VKORC1L1: variants seen among roughly 807,000 people sequenced by gnomAD.
VKORC1L1 encodes vitamin K epoxide reductase complex subunit 1-like protein 1.
Under a neutral mutation model 18.9 loss-of-function variants are expected in VKORC1L1, and 2 were observed. The ratio of observed to expected loss-of-function variants is 0.11; its 90% CI spans 0.04 to 0.33. VKORC1L1 has a LOEUF of 0.33. Among genes scored for constraint, VKORC1L1 ranks in the 10% least tolerant of loss-of-function variants. The probability of loss-of-function intolerance (pLI) is 1.00; values close to 1 mark genes in which losing one functional copy is unlikely to be tolerated. For missense variants in VKORC1L1, 123 were observed against 224.1 expected, an observed-to-expected ratio of 0.55 and a Z score of 2.88; for synonymous variants, 96 against 100.0, an observed-to-expected ratio of 0.96 and a Z score of 0.24.
chr7:65,925,354 A>G (rs1036660359), intron 1 of VKORC1L1, among the ~76,000 whole-genome samples: 2 of 152,042 alleles, frequency 1.3e-5, no homozygotes, highest in Admixed American at 6.6e-5. Flanking sequence ...CAATCTTCGG[A>G]TCCATCTTCA....
intron 1 of VKORC1L1, among the ~76,000 whole-genome samples, chr7:65,874,976 C>T (rs1472342278): frequency 6.6e-6 from 1 of 152,048 alleles, no homozygotes; most frequent in Non-Finnish European, 1.5e-5. Flanking sequence ...ACATGTAAGA[C>T]TAAAGGTAAC....
At chr7:65,883,765 T>C in intron 1 of VKORC1L1, among the ~76,000 whole-genome samples, 1 of 151,870 alleles carries the variant, frequency 6.6e-6, no homozygotes, top group Non-Finnish European at 1.5e-5. Context: ...CCCAAAGTGC[T>C]GGGATTACAG....
intron 1 of VKORC1L1, among the ~76,000 whole-genome samples, chr7:65,880,825 G>C (rs1788915936): frequency 6.6e-6 from 1 of 152,158 alleles, no homozygotes. Flanking sequence ...GCAAAACCAG[G>C]CGTTCTTATA....
At chr7:65,912,821 G>A (rs182907007) in intron 1 of VKORC1L1, among the ~76,000 whole-genome samples, 37 of 152,236 alleles carry the variant, frequency 2.4e-4, no homozygotes, top group Admixed American at 1.0e-3. Flanking sequence ...TAAAACATAT[G>A]CCACATTTTT....
intron 1 of VKORC1L1, among the ~76,000 whole-genome samples, chr7:65,894,554 C>G (rs2116368656): frequency 6.6e-6 from 1 of 152,008 alleles, no homozygotes; most frequent in Non-Finnish European, 1.5e-5. Flanking sequence ...CGGTGAAACC[C>G]CATCTCTACT....
At chr7:65,895,483 ATATAT>A (rs1789188578) in intron 1 of VKORC1L1, among the ~76,000 whole-genome samples, 33 of 27,380 alleles carry the variant, frequency 1.2e-3, no homozygotes, top group African/African-American at 2.1e-3. Flanking sequence ...AAAAAAAAAT[ATATAT>A]ATATATATAT....
At chr7:65,911,582 TTTTG>T (rs532746532) in intron 1 of VKORC1L1, among the ~76,000 whole-genome samples, 193 of 152,030 alleles carry the variant, frequency 1.3e-3, no homozygotes, top group East Asian at 2.3e-3. Context: ...TGTATAAAAG[TTTTG>T]TTTGTTTGTT....
chr7:65,936,513 T>G (rs539010837), intron 1 of VKORC1L1, among the ~76,000 whole-genome samples: 1 of 152,344 alleles, frequency 6.6e-6, no homozygotes, highest in African/African-American at 2.4e-5. Context: ...CCAGTTTTAT[T>G]TTAAAAGCGT....
intron 1 of VKORC1L1, among the ~76,000 whole-genome samples, chr7:65,901,293 TTGAAGCTGCAGTGAATTA>T (rs368093720): frequency 1.2e-4 from 19 of 152,186 alleles, no homozygotes; most frequent in African/African-American, 4.6e-4. Context: ...GCCCAGGAGA[TTGAAGCTGCAGTGAATTA>T]TGAGCCAATG....
intron 1 of VKORC1L1, among the ~76,000 whole-genome samples, chr7:65,886,004 CTG>C (rs1306820459): frequency 6.6e-6 from 1 of 152,198 alleles, no homozygotes; most frequent in Non-Finnish European, 1.5e-5. Flanking sequence ...CATATCGTAT[CTG>C]TTTATTCTGG....
At chr7:65,926,311 A>G (rs1789764638) in intron 1 of VKORC1L1, among the ~76,000 whole-genome samples, 2 of 151,986 alleles carry the variant, frequency 1.3e-5, no homozygotes, top group South Asian at 4.2e-4. Context: ...ACCCGCCACC[A>G]CGCCCAGCTA....
intron 1 of VKORC1L1, among the ~76,000 whole-genome samples, chr7:65,891,898 T>A (rs1167801442): frequency 6.6e-6 from 1 of 152,204 alleles, no homozygotes; most frequent in Non-Finnish European, 1.5e-5. Context: ...AACACTAGAC[T>A]TACTCATTCT....
intron 1 of VKORC1L1, among the ~76,000 whole-genome samples, chr7:65,932,743 C>T (rs1326951275): frequency 1.3e-5 from 2 of 152,040 alleles, no homozygotes; most frequent in Admixed American, 6.6e-5. Context: ...GTTTTGTTTA[C>T]GATGTGGTCT....
Position 65,909,737 on chromosome 7 carries a change from T to TGTGTGTGTGTGA in VKORC1L1, c.194+36173_194+36174insTGTGTGTGTGAG, listed in dbSNP as rs1491345250. Among the ~76,000 whole-genome samples the TGTGTGTGTGTGA allele has an allele frequency of 4.5e-3, 652 of 145,216 alleles. 4 individuals are homozygous for TGTGTGTGTGTGA. The highest frequency in any genetic ancestry group is 0.013 in the East Asian group (64 of 4,892). On this transcript the variant is annotated intron_variant, in intron 1 of 2. Coordinates refer to ENST00000360768, the MANE Select transcript of VKORC1L1 (RefSeq NM_173517.6). ...GTGTGTGTGTGTGTGTGTGTGTGTG[T>TGTGTGTGTGTGA]GACGGAGGCTTGCTCTGTCGCCCAG... is the stretch of plus-strand genomic sequence containing the variant.
intron 1 of VKORC1L1, among the ~76,000 whole-genome samples, chr7:65,885,226 T>G (rs1788992394): frequency 6.6e-6 from 1 of 152,152 alleles, no homozygotes; most frequent in African/African-American, 2.4e-5. Flanking sequence ...TTTGCCCATT[T>G]TTTCCCTTTC....
rs193079111 is a variant in VKORC1L1 at position 65,931,082 on chromosome 7, C to T, written c.195-17589C>T. 3.9e-5 allele frequency among the ~76,000 whole-genome samples: 6 copies of T among 152,192 alleles called. No individual in the cohort carries two copies. In the East Asian group the frequency reaches 1.2e-3, roughly 29 times the overall value. ...ATTTCCAAAATTAATCCCACTTGGT[C>T]ATGATATATTATCCTTTCTGTATAT... On this transcript the variant is annotated intron_variant, in intron 1 of 2. Transcript: ENST00000360768.
rs550673098 is a variant in VKORC1L1 at position 65,900,326 on chromosome 7, C to T, written c.194+26761C>T. On this transcript the variant is annotated intron_variant, in intron 1 of 2. Coordinates refer to ENST00000360768, the MANE Select transcript of VKORC1L1 (RefSeq NM_173517.6). Reference sequence around the variant, plus strand: ...AATGGCATGAACCCGGGAGGGGAGGCGGAGCTTGCAGTGAGCTGAGATCAT... The same window carrying T: ...AATGGCATGAACCCGGGAGGGGAGGTGGAGCTTGCAGTGAGCTGAGATCAT... Among the ~76,000 whole-genome samples the T allele has an allele frequency of 1.3e-4, 20 of 149,482 alleles. No homozygotes were observed. The South Asian group carries it at 3.6e-3, about 27-fold the overall frequency.
intron 1 of VKORC1L1, among the ~76,000 whole-genome samples, chr7:65,908,354 A>G (rs1789440494): frequency 6.6e-6 from 1 of 152,146 alleles, no homozygotes; most frequent in African/African-American, 2.4e-5. Flanking sequence ...CAGAGGTTGC[A>G]GTGAGCCGAG....
intron 1 of VKORC1L1, among the ~76,000 whole-genome samples, chr7:65,928,254 C>CTTTTTTTTTTTTTTT: frequency 9.4e-6 from 1 of 106,230 alleles, no homozygotes; most frequent in East Asian, 2.6e-4. Flanking sequence ...TTTTTTCCTT[C>CTTTTTTTTTTTTTTT]TTTTTTTTTT....
Sources: allele counts gnomAD v4.1 joint callset (sites outside exome capture counted in the v4.1 genomes callset), GRCh38; gene constraint gnomAD v4.1.1; transcripts MANE v1.5; gene names NCBI Gene and HGNC (gene_info 2026-07-23, HGNC 2026-07-21).